PNPT1: variants seen among roughly 807,000 people sequenced by gnomAD.
PNPT1 encodes the protein polyribonucleotide nucleotidyltransferase 1, mitochondrial.
In PNPT1, 53 loss-of-function variants were observed where a neutral mutation model predicts 119.5. That is an observed-to-expected ratio of 0.44 (90% CI 0.36 to 0.56). PNPT1 has a LOEUF of 0.56. Ranked by LOEUF, PNPT1 falls within the 20% of genes least tolerant of loss-of-function variation. The pLI, the probability that PNPT1 is intolerant of heterozygous loss-of-function variation, is 0.00. For synonymous variants in PNPT1, 357 were observed against 322.1 expected (o/e 1.11, Z -1.16); for missense variants, 948 against 938.5 (o/e 1.01, Z -0.13).
Position 55,669,845 on chromosome 2 carries a change from G to C in PNPT1, c.976+1474C>G, listed in dbSNP as rs1007946915. On this transcript the variant is annotated intron_variant, in intron 11 of 27. Coordinates refer to ENST00000447944, the MANE Select transcript of PNPT1 (RefSeq NM_033109.5). The stretch of plus-strand genomic sequence containing the variant: ...GCGGTCTCAGCTCACTACAACCTCT[G>C]CCTAACAGGTTCAAGTGATTCTCAT... 1.4e-4 allele frequency among the ~76,000 whole-genome samples: 21 copies of C among 149,022 alleles called. 1 individual carries two copies. The highest frequency in any genetic ancestry group is 1.1e-3 in the Admixed American group (17 of 14,826).
At chr2:55,651,296 G>A (rs1425886124) in intron 18 of PNPT1, among the ~76,000 whole-genome samples, 3 of 152,026 alleles carry the variant, frequency 2.0e-5, no homozygotes, top group Non-Finnish European at 2.9e-5. Flanking sequence ...CATTGAGAAC[G>A]GGCCATGATG....
At chr2:55,668,978 AAT>A (rs1285483744) in intron 11 of PNPT1, among the ~76,000 whole-genome samples, 1 of 152,222 alleles carries the variant, frequency 6.6e-6, no homozygotes, top group African/African-American at 2.4e-5. Flanking sequence ...AAATTTTAAA[AAT>A]ATATTAGAAA....
chr2:55,688,763 CAACAAA>C (rs979206737), intron 1 of PNPT1, among the ~76,000 whole-genome samples: 21 of 151,376 alleles, frequency 1.4e-4, no homozygotes, highest in Middle Eastern at 3.4e-3. Context: ...ACAACAACAA[CAACAAA>C]AAACTTTAGA....
intron 13 of PNPT1, among the ~76,000 whole-genome samples, chr2:55,663,449 A>C (rs1316916921): frequency 2.6e-5 from 4 of 152,164 alleles, no homozygotes; most frequent in Non-Finnish European, 5.9e-5. Context: ...GGCATGAAAA[A>C]ATATTTGAAG....
At chr2:55,672,068 G>A (rs1186388526) in intron 9 of PNPT1, 22 bp from the exon 10 acceptor site, 1 of 1,550,118 alleles carries the variant, frequency 6.5e-7, no homozygotes, top group Non-Finnish European at 8.8e-7. Context: ...GAAAATAAAT[G>A]TTAGCATAAT....
chr2:55,676,262 CAA>C (rs11400030), intron 8 of PNPT1, among the ~76,000 whole-genome samples: 12 of 82,850 alleles, frequency 1.4e-4, no homozygotes, highest in African/African-American at 4.0e-4. Context: ...CCATCTCAAC[CAA>C]AAAAAAAAAA....
chr2:55,649,637 A>G (rs1442246189), intron 18 of PNPT1, among the ~76,000 whole-genome samples: 1 of 152,194 alleles, frequency 6.6e-6, no homozygotes, highest in Non-Finnish European at 1.5e-5. Flanking sequence ...AAGCTGGGAA[A>G]AACTGTTTGG....
intron 1 of PNPT1, among the ~76,000 whole-genome samples, chr2:55,690,893 G>A (rs1697577271): frequency 6.6e-6 from 1 of 152,160 alleles, no homozygotes; most frequent in South Asian, 2.1e-4. Context: ...GTCACACTGT[G>A]TAGTATCACA....
chr2:55,637,003 C>G (rs749181787), intron 27 of PNPT1, among the ~76,000 whole-genome samples: 1 of 152,146 alleles, frequency 6.6e-6, no homozygotes, highest in Non-Finnish European at 1.5e-5. Context: ...AAACCAGAAG[C>G]CTTAGTTACT....
In PNPT1 at chr2:55,664,343, T is replaced by C. The variant is rs531543926; in HGVS notation, c.1177-2317A>G. ...AAAAAGACTGTGAGGGTCTTATGCC[T>C]GTAATACCAGCACCTTGGGAGGCGA... On this transcript the variant is annotated intron_variant, in intron 13 of 27. Transcript: ENST00000447944. Among the ~76,000 whole-genome samples the C allele has an allele frequency of 2.8e-4, 43 of 152,284 alleles. 2 individuals carry two copies. In the South Asian group the frequency reaches 7.7e-3, roughly 27 times the overall value.
intron 11 of PNPT1, among the ~76,000 whole-genome samples, chr2:55,670,308 T>C (rs1195355949): frequency 1.3e-5 from 2 of 152,048 alleles, no homozygotes; most frequent in African/African-American, 4.8e-5. Context: ...TGCCTCAGCC[T>C]CCTGGGTAGC....
intron 11 of PNPT1, among the ~76,000 whole-genome samples, chr2:55,668,495 C>T (rs894777046): frequency 6.6e-6 from 1 of 152,180 alleles, no homozygotes; most frequent in Non-Finnish European, 1.5e-5. Flanking sequence ...GCCTTGGCCT[C>T]GCAAAGTGCT....
intron 14 of PNPT1, 91 bp from the exon 15 acceptor site, chr2:55,660,284 C>CA: frequency 1.5e-6 from 2 of 1,312,112 alleles, no homozygotes; most frequent in Non-Finnish European, 2.1e-6. Context: ...GGGGATTTTA[C>CA]AAAAGAACTA....
intron 3 of PNPT1, 67 bp from the exon 4 acceptor site, chr2:55,685,115 C>A: frequency 8.5e-7 from 1 of 1,180,090 alleles, no homozygotes; most frequent in Non-Finnish European, 1.2e-6. Flanking sequence ...TGTATGAATG[C>A]TAATTCTCCT....
chr2:55,636,813 A>C (rs1055076030), intron 27 of PNPT1, among the ~76,000 whole-genome samples: 2 of 152,156 alleles, frequency 1.3e-5, no homozygotes, highest in African/African-American at 4.8e-5. Flanking sequence ...ATTTGGCTTC[A>C]CCTTGGAAAA....
In PNPT1 at chr2:55,671,339, T is replaced by C. The variant is rs1050293585; in HGVS notation, c.956A>G (p.Asp319Gly). 2.6e-6 allele frequency: 4 copies of C among 1,544,412 alleles called. No homozygotes were observed. Among genetic ancestry groups the C allele is most frequent in the Non-Finnish European group, 3.5e-6 (4 of 1,144,776 alleles). ...RDEAVNKIRL[D>G]TEEQLKEKFP... is the part of the protein sequence containing the mutation. ...TTTACCTTTTAGTTGTTCCTCCGTA[T>C]CTAATCTTATTTTGTTAACAGCTTC... Residue 319 changes from aspartate (D) to glycine (G), a missense_variant, in exon 11 of 28, where the codon GAT (aspartate) becomes GGT (glycine). Transcript: ENST00000447944.
At chr2:55,681,880 G>A (rs905986230) in intron 5 of PNPT1, among the ~76,000 whole-genome samples, 1 of 148,564 alleles carries the variant, frequency 6.7e-6, no homozygotes, top group South Asian at 2.1e-4. Flanking sequence ...GGTGGCTCAC[G>A]CCTGTAATCC....
rs1695595432 is a variant in PNPT1, at chr2:55,634,276, T to C, written c.*1961A>G. 1 of 151,670 alleles carries C rather than the reference T, an allele frequency of 6.6e-6. No homozygotes were observed. The highest frequency in any genetic ancestry group is 6.6e-5 in the Admixed American group (1 of 15,200). The allele number at this position is 151,670 out of a possible 1,614,324, so 9.4% of individuals were successfully genotyped here. A position where few individuals can be genotyped will look rare whatever the true frequency, so the allele number is the denominator to read the frequency against. On this transcript the variant is annotated 3_prime_UTR_variant, in exon 28 of 28. Transcript: ENST00000447944. The stretch of plus-strand genomic sequence containing the variant: ...TGAATTTACCTTTTTTTTTTTTTTT[T>C]CTGGAGACGGAGTCTTGCTCTGTCG...
At chr2:55,656,670 G>C (rs528637432) in intron 15 of PNPT1, among the ~76,000 whole-genome samples, 93 of 152,120 alleles carry the variant, frequency 6.1e-4, no homozygotes, top group African/African-American at 2.1e-3. Context: ...TTATATTTTT[G>C]TAATAAGTAA....
Sources: gnomAD v4.1 joint callset for allele counts (sites outside exome capture counted in the v4.1 genomes callset) on GRCh38, gnomAD v4.1.1 for gene constraint, MANE v1.5 for transcripts, NCBI Gene and HGNC (gene_info 2026-07-23, HGNC 2026-07-21) for gene names.